Variants in RELCH observed in about 807,000 individuals in gnomAD.
RELCH encodes the protein RAB11 binding and LisH domain, coiled-coil and HEAT repeat containing, also known as RAB11-binding protein RELCH.
Under a neutral mutation model 150.3 loss-of-function variants are expected in RELCH, and 41 were observed. That is an observed-to-expected ratio of 0.27 (90% CI 0.21 to 0.35). RELCH has a LOEUF of 0.35. RELCH is among the 10% of genes least tolerant of loss of function. The probability of loss-of-function intolerance (pLI) is 1.00; values close to 1 mark genes in which losing one functional copy is unlikely to be tolerated. For synonymous variants in RELCH, 478 were observed against 531.8 expected (o/e 0.90, Z 1.39); for missense variants, 1,092 against 1,467.8 (o/e 0.74, Z 4.18).
At chr18:62,275,340 C>T (rs1352652618) in intron 21 of RELCH, 34 bp from the exon 22 acceptor site, 1 of 1,229,802 alleles carries the variant, frequency 8.1e-7, no homozygotes, top group Admixed American at 2.5e-5. Context: ...CTGTGGCTCT[C>T]AATTTTAACA....
chr18:62,280,226 C>T, intron 23 of RELCH: 1 of 691,912 alleles, frequency 1.4e-6, no homozygotes, highest in Non-Finnish European at 2.5e-6. Flanking sequence ...AATGGCCTAA[C>T]ATTTTAATGT....
intron 18 of RELCH, among the ~76,000 whole-genome samples, chr18:62,265,060 T>C (rs2043478808): frequency 6.6e-6 from 1 of 152,102 alleles, no homozygotes; most frequent in Admixed American, 6.6e-5. Flanking sequence ...AGCCTAAGCT[T>C]AGTTCATATC....
chr18:62,302,746 A>G (rs2045721065), intron 28 of RELCH, among the ~76,000 whole-genome samples: 1 of 152,060 alleles, frequency 6.6e-6, no homozygotes, highest in Admixed American at 6.5e-5. Context: ...GCTGGTCTCA[A>G]ACTCCTGACC....
intron 27 of RELCH, among the ~76,000 whole-genome samples, chr18:62,293,586 G>A (rs972036891): frequency 1.3e-5 from 2 of 152,068 alleles, no homozygotes; most frequent in African/African-American, 4.8e-5. Flanking sequence ...CTGGGTCACT[G>A]TTTGATTAAA....
chr18:62,258,159 G>A, intron 14 of RELCH, 71 bp downstream of exon 14: 1 of 1,313,184 alleles, frequency 7.6e-7, no homozygotes, highest in South Asian at 1.3e-5. Flanking sequence ...CCAAATCTCT[G>A]ATTTAGATAC....
intron 23 of RELCH, chr18:62,280,353 T>C: frequency 6.2e-7 from 1 of 1,613,538 alleles, no homozygotes; most frequent in Non-Finnish European, 8.5e-7. Context: ...TGTTGACTGG[T>C]TTACAGCTGA....
At chr18:62,195,307 T>TACA (rs2038954795) in intron 1 of RELCH, among the ~76,000 whole-genome samples, 2 of 151,926 alleles carry the variant, frequency 1.3e-5, no homozygotes, top group African/African-American at 2.4e-5. Flanking sequence ...TGTGTGTGTG[T>TACA]GTGTGTATAC....
rs1277157146 is a variant in RELCH, at chr18:62,307,079, A to C, written c.*1545A>C. On this transcript the variant is annotated 3_prime_UTR_variant, in exon 29 of 29. Coordinates refer to ENST00000644646, the MANE Select transcript of RELCH (RefSeq NM_001346231.2). ...AAAGTGGCTACCTTTCATGTCAAAAATGTTGATCTATTATAAATAAAATGT... is the reference window on the plus strand; with the variant it reads ...AAAGTGGCTACCTTTCATGTCAAAACTGTTGATCTATTATAAATAAAATGT... 6.6e-6 allele frequency: 1 copy of C among 152,328 alleles called. No homozygotes were observed. Among genetic ancestry groups the C allele is most frequent in the African/African-American group, 2.4e-5 (1 of 41,468 alleles). 9.4% of individuals were successfully genotyped at this position (152,328 alleles called of 1,614,324 possible).
chr18:62,277,445 A>G, intron 22 of RELCH: 1 of 353,662 alleles, frequency 2.8e-6, no homozygotes, highest in Non-Finnish European at 4.0e-6. Context: ...TCTTATTTGA[A>G]CAAAATTGTG....
At chr18:62,235,534 T>C (rs2041836228) in intron 10 of RELCH, 1 of 152,084 alleles carries the variant, frequency 6.6e-6, no homozygotes, top group Non-Finnish European at 1.5e-5. Flanking sequence ...TCTGTAGATC[T>C]CTTTGGGAGT....
chr18:62,196,141 AT>A (rs1293963838), intron 1 of RELCH, among the ~76,000 whole-genome samples: 1 of 152,194 alleles, frequency 6.6e-6, no homozygotes, highest in African/African-American at 2.4e-5. Flanking sequence ...CTTCTACTTT[AT>A]AAAGTAGTTC....
chr18:62,224,327 A>C (rs1599906395), intron 5 of RELCH, among the ~76,000 whole-genome samples: 1 of 151,128 alleles, frequency 6.6e-6, no homozygotes, highest in African/African-American at 2.4e-5. Flanking sequence ...ATAGTATCCC[A>C]CACTAACATC....
chr18:62,273,368 T>C (rs1019331717), intron 20 of RELCH, among the ~76,000 whole-genome samples: 1 of 152,124 alleles, frequency 6.6e-6, no homozygotes, highest in Non-Finnish European at 1.5e-5. Context: ...AACACAGTAG[T>C]CTATATTTTA....
At position 62,269,034 on chromosome 18, in the gene RELCH, T is replaced by A. The variant is rs1435764823; in HGVS notation, c.2760+86T>A. 6 of 570,218 alleles carry A rather than the reference T, an allele frequency of 1.1e-5. No homozygotes were observed. In the Admixed American group the frequency reaches 1.8e-4, roughly 17 times the overall value. The allele number at this position is 570,218 out of a possible 1,614,324, so 35.3% of individuals were successfully genotyped here. A position where few individuals can be genotyped will look rare whatever the true frequency, so the allele number is the denominator to read the frequency against. On this transcript the variant is annotated intron_variant, in intron 20 of 28. Transcript: ENST00000644646. ...TGTGTCTTCTTAATGTAAGTGACAT[T>A]GCTACCAATAAAGAAAAACAATTTA...
chr18:62,302,908 A>G (rs2045729025), intron 28 of RELCH, among the ~76,000 whole-genome samples: 1 of 152,234 alleles, frequency 6.6e-6, no homozygotes, highest in Non-Finnish European at 1.5e-5. Context: ...ATTAGTTGCA[A>G]AGAAAAGATC....
chr18:62,275,304 G>T (rs192053604), intron 21 of RELCH, 70 bp from the exon 22 acceptor site: 3 of 662,806 alleles, frequency 4.5e-6, no homozygotes, highest in South Asian at 2.3e-5. Context: ...TATAAATATC[G>T]TGTTTTTCAG....
chr18:62,199,004 T>C (rs2148222297), intron 1 of RELCH, among the ~76,000 whole-genome samples: 1 of 151,782 alleles, frequency 6.6e-6, no homozygotes, highest in East Asian at 1.9e-4. Context: ...TCTACTCACA[T>C]TGTTTCATTT....
At chr18:62,193,499 T>C (rs1025243343) in intron 1 of RELCH, among the ~76,000 whole-genome samples, 3 of 152,164 alleles carry the variant, frequency 2.0e-5, no homozygotes, top group Non-Finnish European at 4.4e-5. Flanking sequence ...TGGCTGTGGG[T>C]TTGTCATATA....
chr18:62,262,619 G>A (rs2043331120), intron 16 of RELCH, among the ~76,000 whole-genome samples: 1 of 151,976 alleles, frequency 6.6e-6, no homozygotes. Context: ...TTAAATTGAG[G>A]AGAATGAAAA....
Sources: gnomAD v4.1 joint callset for allele counts (sites outside exome capture counted in the v4.1 genomes callset) on GRCh38, gnomAD v4.1.1 for gene constraint, MANE v1.5 for transcripts, NCBI Gene and HGNC (gene_info 2026-07-23, HGNC 2026-07-21) for gene names.